The following SLC10A7 variants were observed in gnomAD, a reference collection of about 807,000 sequenced individuals.
The protein encoded by SLC10A7 is solute carrier family 10 member 7.
In SLC10A7, 29 loss-of-function variants were observed where a neutral mutation model predicts 43.2. That is an observed-to-expected ratio of 0.67 (90% CI 0.50 to 0.92). The LOEUF (loss-of-function observed/expected upper bound fraction) is 0.92, where lower values mean the gene tolerates loss of function less well. Ranked by LOEUF, SLC10A7 falls within the 40% of genes least tolerant of loss-of-function variation. The pLI, the probability that SLC10A7 is intolerant of heterozygous loss-of-function variation, is 0.00. For synonymous variants in SLC10A7, 152 were observed against 144.8 expected (o/e 1.05, Z -0.35); for missense variants, 295 against 403.2 (o/e 0.73, Z 2.30).
intron 4 of SLC10A7, among the ~76,000 whole-genome samples, chr4:146,460,496 A>C (rs746903244): frequency 2.0e-5 from 3 of 151,996 alleles, no homozygotes; most frequent in Non-Finnish European, 2.9e-5. Context: ...ATGGCTCAGC[A>C]ATAAAAAGGA....
At chr4:146,419,585 C>A (rs1728810805) in intron 5 of SLC10A7, among the ~76,000 whole-genome samples, 1 of 152,080 alleles carries the variant, frequency 6.6e-6, no homozygotes, top group South Asian at 2.1e-4. Flanking sequence ...CCTGTAATCC[C>A]AGCACCTTGG....
At chr4:146,283,130 A>G in intron 10 of SLC10A7, 62 bp downstream of exon 10, 1 of 1,312,482 alleles carries the variant, frequency 7.6e-7, no homozygotes, top group South Asian at 1.2e-5. Context: ...TTTGAATATC[A>G]AAGTCATAAG....
chr4:146,280,732 G>A (rs1729497513), intron 10 of SLC10A7, among the ~76,000 whole-genome samples: 1 of 152,082 alleles, frequency 6.6e-6, no homozygotes, highest in Non-Finnish European at 1.5e-5. Flanking sequence ...CTTGCTGTAT[G>A]GGGGAAATAG....
chr4:146,515,492 T>C (rs996736347), intron 2 of SLC10A7, among the ~76,000 whole-genome samples: 3 of 152,196 alleles, frequency 2.0e-5, no homozygotes, highest in Non-Finnish European at 2.9e-5. Flanking sequence ...TTTGACATAC[T>C]AGGAAATCTC....
At chr4:146,453,035 GTATA>G (rs68074483) in intron 4 of SLC10A7, among the ~76,000 whole-genome samples, 11 of 149,820 alleles carry the variant, frequency 7.3e-5, no homozygotes, top group South Asian at 2.1e-4. Context: ...GTGTGTGTGT[GTATA>G]TATATATATA....
At chr4:146,271,833 C>G (rs1339251390) in intron 10 of SLC10A7, among the ~76,000 whole-genome samples, 2 of 152,160 alleles carry the variant, frequency 1.3e-5, no homozygotes, top group African/African-American at 4.8e-5. Flanking sequence ...CTTCACTGTT[C>G]CTTCTCCTTG....
At chr4:146,311,445 C>T (rs187489464) in intron 6 of SLC10A7, among the ~76,000 whole-genome samples, 4 of 152,212 alleles carry the variant, frequency 2.6e-5, no homozygotes, top group East Asian at 3.9e-4. Context: ...GCTGTGTAAT[C>T]GGCCTTTTAT....
intron 5 of SLC10A7, among the ~76,000 whole-genome samples, chr4:146,393,111 G>A (rs1020376638): frequency 1.4e-5 from 2 of 140,588 alleles, no homozygotes; most frequent in African/African-American, 5.3e-5. Flanking sequence ...ATGGTCACCT[G>A]AGCACAGGAG....
At chr4:146,292,029 T>C (rs1730476115) in intron 9 of SLC10A7, among the ~76,000 whole-genome samples, 1 of 152,190 alleles carries the variant, frequency 6.6e-6, no homozygotes, top group Admixed American at 6.5e-5. Flanking sequence ...CTAATTTGGA[T>C]ATGGGGACTG....
intron 10 of SLC10A7, among the ~76,000 whole-genome samples, chr4:146,263,558 T>C (rs1015524181): frequency 5.3e-5 from 8 of 152,196 alleles, no homozygotes; most frequent in Admixed American, 2.6e-4. Flanking sequence ...AATTTAAATA[T>C]AGGACTCTTT....
intron 5 of SLC10A7, chr4:146,441,778 A>G: frequency 5.1e-6 from 5 of 985,244 alleles, no homozygotes; most frequent in Non-Finnish European, 6.0e-6. Flanking sequence ...TGCAGATGCT[A>G]CATCATTATA....
Position 146,407,401 on chromosome 4 carries a change from T to C in SLC10A7, c.435+35382A>G, listed in dbSNP as rs151096131. Reference sequence around the variant, plus strand: ...CTCTTTGTAATAAGAACATGTAACATGAGATCTACGCTCTTTACAAATTCT... The same window carrying C: ...CTCTTTGTAATAAGAACATGTAACACGAGATCTACGCTCTTTACAAATTCT... On this transcript the variant is annotated intron_variant, in intron 5 of 11. Coordinates refer to ENST00000335472, the MANE Select transcript of SLC10A7 (RefSeq NM_001029998.6). Among the ~76,000 whole-genome samples, 586 of 152,144 alleles carry C rather than the reference T, an allele frequency of 3.9e-3. 5 individuals are homozygous for C. Among genetic ancestry groups the C allele is most frequent in the African/African-American group, 0.013 (553 of 41,504 alleles).
chr4:146,422,618 T>C lies in SLC10A7; in HGVS notation c.435+20165A>G, dbSNP rs546261697. ...TAACTTTCTTGCAGAAATCCAGCTA[T>C]GACAAACATTAGACCTGATTTTCTT... On this transcript the variant is annotated intron_variant, in intron 5 of 11. Transcript: ENST00000335472. Among the ~76,000 whole-genome samples, 48 of 152,308 alleles carry C rather than the reference T, an allele frequency of 3.2e-4. No homozygotes were observed. In the South Asian group the frequency reaches 9.9e-3, roughly 32 times the overall value.
chr4:146,280,330 A>G (rs974257125), intron 10 of SLC10A7, among the ~76,000 whole-genome samples: 13 of 152,134 alleles, frequency 8.5e-5, no homozygotes, highest in African/African-American at 3.1e-4. Flanking sequence ...ACTCTAACTG[A>G]TATTACCTAA....
At chr4:146,479,636 G>A (rs1424084281) in intron 4 of SLC10A7, among the ~76,000 whole-genome samples, 1 of 152,060 alleles carries the variant, frequency 6.6e-6, no homozygotes. Context: ...GAGACCAGTT[G>A]TTTAATGAAT....
rs1327846762 is a variant in SLC10A7 at position 146,511,033 on chromosome 4, C to G, written c.184-984G>C. The stretch of plus-strand genomic sequence containing the variant: ...TCACAAGAATCTCAGTAAGTAAATA[C>G]TATTATCCCTGTTTTACCGATGAAG... On this transcript the variant is annotated intron_variant, in intron 2 of 11. Transcript: ENST00000335472. Among the ~76,000 whole-genome samples, 3 of 152,132 alleles carry G rather than the reference C, an allele frequency of 2.0e-5. No homozygotes were observed. The East Asian group carries it at 5.8e-4, about 29-fold the overall frequency.
At chr4:146,308,191 T>C (rs1731721192) in intron 6 of SLC10A7, among the ~76,000 whole-genome samples, 1 of 152,198 alleles carries the variant, frequency 6.6e-6, no homozygotes, top group African/African-American at 2.4e-5. Flanking sequence ...ACTGGGTACA[T>C]GAAGACAGAC....
chr4:146,443,353 T>C (rs1355536613), intron 4 of SLC10A7, among the ~76,000 whole-genome samples: 1 of 152,190 alleles, frequency 6.6e-6, no homozygotes, highest in African/African-American at 2.4e-5. Context: ...CCATTAATTC[T>C]AAGGTAAAGA....
At chr4:146,265,524 T>A (rs1274750685) in intron 10 of SLC10A7, among the ~76,000 whole-genome samples, 2 of 152,236 alleles carry the variant, frequency 1.3e-5, no homozygotes, top group African/African-American at 4.8e-5. Flanking sequence ...TCGTTCTAGA[T>A]GCATCACATA....
Sources: gnomAD v4.1 joint callset for allele counts (sites outside exome capture counted in the v4.1 genomes callset) on GRCh38, gnomAD v4.1.1 for gene constraint, MANE v1.5 for transcripts, NCBI Gene and HGNC (gene_info 2026-07-23, HGNC 2026-07-21) for gene names.